The following FLRT2 variants were observed in gnomAD, a reference collection of about 807,000 sequenced individuals.
FLRT2 encodes fibronectin leucine rich transmembrane protein 2.
Under a neutral mutation model 40.0 loss-of-function variants are expected in FLRT2, and 15 were observed. That is an observed-to-expected ratio of 0.38 (90% CI 0.25 to 0.58). The LOEUF (loss-of-function observed/expected upper bound fraction) is 0.58. FLRT2 is among the 20% of genes least tolerant of loss of function. The probability of loss-of-function intolerance (pLI) is 0.71; values close to 1 mark genes in which losing one functional copy is unlikely to be tolerated. For synonymous variants in FLRT2, 380 were observed against 336.8 expected (o/e 1.13, Z -1.41); for missense variants, 726 against 840.0 (o/e 0.86, Z 1.68).
At chr14:85,596,646 C>A (rs1254249087) in intron 1 of FLRT2, among the ~76,000 whole-genome samples, 52 of 152,018 alleles carry the variant, frequency 3.4e-4, no homozygotes, top group Non-Finnish European at 4.4e-5. Context: ...TTGCTAAAGA[C>A]TTTTTTAAAA....
rs149521916 is a variant in FLRT2 at position 85,625,265 on chromosome 14, A to G, written c.*1768A>G. 2 of 167,188 alleles carry G rather than the reference A, an allele frequency of 1.2e-5. No individual in the cohort carries two copies. Among genetic ancestry groups the G allele is most frequent in the African/African-American group, 4.8e-5 (2 of 41,580 alleles). The allele number at this position is 167,188 out of a possible 1,614,324, so 10.4% of individuals were successfully genotyped here. Reference sequence around the variant, plus strand: ...ATTTCTTTTACCATTGACCATTATTATAGGGACCCATGAAGTAAATGTCAC... The same window carrying G: ...ATTTCTTTTACCATTGACCATTATTGTAGGGACCCATGAAGTAAATGTCAC... On this transcript the variant is annotated 3_prime_UTR_variant, in exon 2 of 2. Coordinates refer to ENST00000330753, the MANE Select transcript of FLRT2 (RefSeq NM_013231.6).
At chr14:85,587,961 T>G (rs11849838) in intron 1 of FLRT2, among the ~76,000 whole-genome samples, 29,705 of 151,848 alleles carry the variant, frequency 0.2, 3,624 homozygotes, top group African/African-American at 0.35. Context: ...AGATGGAGTC[T>G]TGCTCTGTCT....
chr14:85,611,901 C>A (rs1371945512), intron 1 of FLRT2, among the ~76,000 whole-genome samples: 21 of 143,898 alleles, frequency 1.5e-4, no homozygotes, highest in African/African-American at 4.6e-4. Context: ...AGAGAGAGAG[C>A]GCGCGTGCGC....
chr14:85,593,984 G>C (rs1485985315), intron 1 of FLRT2, among the ~76,000 whole-genome samples: 1 of 152,144 alleles, frequency 6.6e-6, no homozygotes, highest in East Asian at 1.9e-4. Context: ...AGAGGTTGCA[G>C]TGAGCCGAGA....
chr14:85,537,597 AAC>A (rs146056490), intron 1 of FLRT2, among the ~76,000 whole-genome samples: 4,562 of 149,728 alleles, frequency 0.03, 209 homozygotes, highest in African/African-American at 0.1. Context: ...TTTATAGTAA[AAC>A]ACACACACAC....
intron 1 of FLRT2, among the ~76,000 whole-genome samples, chr14:85,532,092 G>A (rs937519545): frequency 3.3e-5 from 5 of 152,272 alleles, no homozygotes; most frequent in African/African-American, 4.8e-5. Flanking sequence ...TTTGAACTGA[G>A]GACGAGTAGT....
chr14:85,623,710 ACT>A lies in FLRT2; in HGVS notation c.*216_*217del. ...CAAGTTAATTACAAACAGTTTTGTA[ACT>A]CTTTGCTTTTTAAATCTTAAAAAAA... On this transcript the variant is annotated 3_prime_UTR_variant, in exon 2 of 2. Transcript: ENST00000330753. The A allele has an allele frequency of 4.6e-6, 2 of 432,160 alleles. No individual in the cohort carries two copies. The highest frequency in any genetic ancestry group is 8.1e-6 in the Non-Finnish European group (2 of 245,788). The allele number at this position is 432,160 out of a possible 1,614,324, so 26.8% of individuals were successfully genotyped here.
At chr14:85,608,788 G>A (rs1392156357) in intron 1 of FLRT2, among the ~76,000 whole-genome samples, 1 of 152,182 alleles carries the variant, frequency 6.6e-6, no homozygotes, top group Non-Finnish European at 1.5e-5. Flanking sequence ...CATGTGAAGA[G>A]CCACTGCCCT....
chr14:85,563,330 T>C (rs550524343), intron 1 of FLRT2, among the ~76,000 whole-genome samples: 2 of 152,304 alleles, frequency 1.3e-5, no homozygotes, highest in Admixed American at 1.3e-4. Flanking sequence ...GTTTAACAAA[T>C]GCCAGATACA....
In FLRT2 at chr14:85,629,677, A is replaced by T. The variant is rs1893817931; in HGVS notation, c.*6180A>T. 1 of 152,136 alleles carries T rather than the reference A, an allele frequency of 6.6e-6. No homozygotes were observed. The highest frequency in any genetic ancestry group is 1.5e-5 in the Non-Finnish European group (1 of 68,026). The allele number at this position is 152,136 out of a possible 1,614,324, so 9.4% of individuals were successfully genotyped here. A position where few individuals can be genotyped will look rare whatever the true frequency, so the allele number is the denominator to read the frequency against. Reference sequence around the variant, plus strand: ...ACTGAGCATGACTCCATGGACTCTTAATTGTTTTCCTGCCTCTTAATAAAT... The same window carrying T: ...ACTGAGCATGACTCCATGGACTCTTTATTGTTTTCCTGCCTCTTAATAAAT... On this transcript the variant is annotated 3_prime_UTR_variant, in exon 2 of 2. Coordinates refer to ENST00000330753, the MANE Select transcript of FLRT2 (RefSeq NM_013231.6).
At chr14:85,607,847 C>A (rs2747003) in intron 1 of FLRT2, among the ~76,000 whole-genome samples, 85,064 of 152,022 alleles carry the variant, frequency 0.56, 23,914 homozygotes, top group East Asian at 0.65. Flanking sequence ...GACTGGATGA[C>A]TTGAACAACA....
chr14:85,629,075 T>C lies in FLRT2; in HGVS notation c.*5578T>C, dbSNP rs984199277. 1 of 152,162 alleles carries C rather than the reference T, an allele frequency of 6.6e-6. No individual in the cohort carries two copies. Among genetic ancestry groups the C allele is most frequent in the African/African-American group, 2.4e-5 (1 of 41,444 alleles). The allele number at this position is 152,162 out of a possible 1,614,324, so 9.4% of individuals were successfully genotyped here. A position where few individuals can be genotyped will look rare whatever the true frequency, so the allele number is the denominator to read the frequency against. Reference sequence around the variant, plus strand: ...GCACTATGTTAGGGTCTTCCGGGGATTCAGAGAAAAGTGTCTGTGAGCCAT... The same window carrying C: ...GCACTATGTTAGGGTCTTCCGGGGACTCAGAGAAAAGTGTCTGTGAGCCAT... On this transcript the variant is annotated 3_prime_UTR_variant, in exon 2 of 2. Transcript: ENST00000330753.
rs1893704393 is a variant in FLRT2 at position 85,626,872 on chromosome 14, A to G, written c.*3375A>G. On this transcript the variant is annotated 3_prime_UTR_variant, in exon 2 of 2. Coordinates refer to ENST00000330753, the MANE Select transcript of FLRT2 (RefSeq NM_013231.6). ...ATGAAGTAGCTAATATTACAGCTTCATTTTCTACTAGCACCTATCATAATG... is the reference window on the plus strand; with the variant it reads ...ATGAAGTAGCTAATATTACAGCTTCGTTTTCTACTAGCACCTATCATAATG... The G allele has an allele frequency of 6.0e-6, 1 of 167,108 alleles. No homozygotes were observed. Among genetic ancestry groups the G allele is most frequent in the African/African-American group, 2.4e-5 (1 of 41,458 alleles). 10.4% of individuals were successfully genotyped at this position (167,108 alleles called of 1,614,324 possible). A position where few individuals can be genotyped will look rare whatever the true frequency, so the allele number is the denominator to read the frequency against.
intron 1 of FLRT2, among the ~76,000 whole-genome samples, chr14:85,532,879 T>C (rs1888370899): frequency 6.6e-6 from 1 of 152,200 alleles, no homozygotes; most frequent in Non-Finnish European, 1.5e-5. Context: ...CTCTTGGCAG[T>C]ACACCATTAA....
rs117310849 is a variant in FLRT2 at position 85,602,091 on chromosome 14, G to A, written c.-376-19048G>A. ...TTGTTATTATTTATTTATAATGAAG[G>A]GTAGTAAAGTGTCTGCTTAGATATA... On this transcript the variant is annotated intron_variant, in intron 1 of 1. Coordinates refer to ENST00000330753, the MANE Select transcript of FLRT2 (RefSeq NM_013231.6). 3.3e-3 allele frequency among the ~76,000 whole-genome samples: 504 copies of A among 152,172 alleles called. 2 individuals carry two copies. Among genetic ancestry groups the A allele is most frequent in the Non-Finnish European group, 6.3e-3 (430 of 68,006 alleles).
chr14:85,645,273 T>TAC lies in FLRT2; in HGVS notation c.*21777_*21778insCA, dbSNP rs1167262670. 1 of 150,338 alleles carries TAC rather than the reference T, an allele frequency of 6.7e-6. No homozygotes were observed. The highest frequency in any genetic ancestry group is 1.5e-5 in the Non-Finnish European group (1 of 67,866). The allele number at this position is 150,338 out of a possible 1,614,324, so 9.3% of individuals were successfully genotyped here. A position where few individuals can be genotyped will look rare whatever the true frequency, so the allele number is the denominator to read the frequency against. On this transcript the variant is annotated 3_prime_UTR_variant, in exon 2 of 2. Transcript: ENST00000330753. ...ACATGTGTATATATGTATACATGTGTATATATGTATATACATATATGTATA... is the reference window on the plus strand; with the variant it reads ...ACATGTGTATATATGTATACATGTGTACATATATGTATATACATATATGTATA...
intron 1 of FLRT2, among the ~76,000 whole-genome samples, chr14:85,588,720 AT>A (rs971378296): frequency 3.4e-4 from 52 of 151,558 alleles, no homozygotes; most frequent in South Asian, 4.2e-4. Flanking sequence ...TGTTCCTTTT[AT>A]TTTTTTTCTA....
chr14:85,604,714 A>C (rs544815727), intron 1 of FLRT2, among the ~76,000 whole-genome samples: 2 of 152,212 alleles, frequency 1.3e-5, no homozygotes, highest in Non-Finnish European at 2.9e-5. Context: ...TGGTAGAGGG[A>C]ATAAAAGGAT....
chr14:85,644,472 G>C lies in FLRT2; in HGVS notation c.*20975G>C, dbSNP rs987586827. 6 of 152,158 alleles carry C rather than the reference G, an allele frequency of 3.9e-5. No individual in the cohort carries two copies. The highest frequency in any genetic ancestry group is 1.4e-4 in the African/African-American group (6 of 41,444). 9.4% of individuals were successfully genotyped at this position (152,158 alleles called of 1,614,324 possible). A position where few individuals can be genotyped will look rare whatever the true frequency, so the allele number is the denominator to read the frequency against. ...TACAGCTTAATAACATCATGTGACT[G>C]AAGTGGAAGAACTGGAAGGAAAAGA... On this transcript the variant is annotated 3_prime_UTR_variant, in exon 2 of 2. Transcript: ENST00000330753.
Sources: gnomAD v4.1 joint callset for allele counts (sites outside exome capture counted in the v4.1 genomes callset) on GRCh38, gnomAD v4.1.1 for gene constraint, MANE v1.5 for transcripts, NCBI Gene and HGNC (gene_info 2026-07-23, HGNC 2026-07-21) for gene names.